The following NRXN3 variants were observed in gnomAD, a reference collection of about 807,000 sequenced individuals.
NRXN3 encodes the protein neurexin 3.
In NRXN3, 32 loss-of-function variants were observed where a neutral mutation model predicts 137.6. That is an observed-to-expected ratio of 0.23 (90% CI 0.18 to 0.31). The LOEUF (loss-of-function observed/expected upper bound fraction) is 0.31. Among genes scored for constraint, NRXN3 ranks in the 10% least tolerant of loss-of-function variants. NRXN3 has a pLI of 1.00. For missense variants in NRXN3, 1,574 were observed against 2,062.5 expected (o/e 0.76, Z 4.59); for synonymous variants, 798 against 784.5 (o/e 1.02, Z -0.29).
intron 10 of NRXN3, among the ~76,000 whole-genome samples, chr14:78,844,928 CTCTG>C (rs1331236388): frequency 6.6e-6 from 1 of 151,664 alleles, no homozygotes; most frequent in Non-Finnish European, 1.5e-5. Flanking sequence ...ATAATATTTC[CTCTG>C]TCTGCTTTCC....
chr14:78,651,910 A>G (rs1295635622), intron 6 of NRXN3, among the ~76,000 whole-genome samples: 1 of 152,182 alleles, frequency 6.6e-6, no homozygotes, highest in Non-Finnish European at 1.5e-5. Context: ...AAACCATGTC[A>G]AGTACCCTGT....
intron 15 of NRXN3, among the ~76,000 whole-genome samples, chr14:79,243,614 C>T (rs1012218614): frequency 1.3e-5 from 2 of 152,206 alleles, no homozygotes; most frequent in African/African-American, 4.8e-5. Flanking sequence ...TGTGTACTCA[C>T]ACAAATCTAG....
At chr14:78,732,681 G>C (rs2098521982) in intron 8 of NRXN3, among the ~76,000 whole-genome samples, 1 of 152,148 alleles carries the variant, frequency 6.6e-6, no homozygotes, top group Non-Finnish European at 1.5e-5. Flanking sequence ...TTTTAATGCA[G>C]AGAATGCTTA....
intron 15 of NRXN3, among the ~76,000 whole-genome samples, chr14:79,015,073 C>G (rs2099577078): frequency 6.6e-6 from 1 of 152,076 alleles, no homozygotes; most frequent in Non-Finnish European, 1.5e-5. Context: ...CGCAATGTCC[C>G]CATCTCTTGG....
At chr14:79,609,822 G>A (rs1056872498) in intron 16 of NRXN3, among the ~76,000 whole-genome samples, 5 of 152,012 alleles carry the variant, frequency 3.3e-5, no homozygotes, top group African/African-American at 1.2e-4. Flanking sequence ...TTTTTGAACT[G>A]AATTTCTCAG....
intron 10 of NRXN3, among the ~76,000 whole-genome samples, chr14:78,820,551 T>C (rs2153125168): frequency 6.6e-6 from 1 of 152,190 alleles, no homozygotes; most frequent in Admixed American, 6.5e-5. Flanking sequence ...ACTTTATACA[T>C]TTCCTTCTCA....
At chr14:79,063,274 G>GT (rs1253594116) in intron 15 of NRXN3, among the ~76,000 whole-genome samples, 2 of 151,926 alleles carry the variant, frequency 1.3e-5, no homozygotes, top group South Asian at 2.1e-4. Flanking sequence ...GTTATTTTAT[G>GT]TTTTTTTGTT....
At position 79,002,455 on chromosome 14, in the gene NRXN3, G is replaced by A. The variant is rs145543912; in HGVS notation, c.3262+14314G>A. Among the ~76,000 whole-genome samples the A allele has an allele frequency of 1.2e-4, 18 of 152,256 alleles. No homozygotes were observed. In the East Asian group the frequency reaches 2.7e-3, roughly 23 times the overall value. On this transcript the variant is annotated intron_variant, in intron 15 of 20. Coordinates refer to ENST00000335750, the MANE Select transcript of NRXN3 (RefSeq NM_001330195.2). The stretch of plus-strand genomic sequence containing the variant: ...CTTTGTTCAGCTCCCACTTATGAGT[G>A]AGAATATGCAGTGTTTGGTTTACTG...
At chr14:79,382,091 C>T (rs757437085) in intron 15 of NRXN3, among the ~76,000 whole-genome samples, 7 of 152,118 alleles carry the variant, frequency 4.6e-5, no homozygotes, top group Non-Finnish European at 1.0e-4. Context: ...TTCTCCTCTG[C>T]AAAATGGAAC....
chr14:78,459,797 G>C (rs1020332319), intron 4 of NRXN3, among the ~76,000 whole-genome samples: 1 of 152,188 alleles, frequency 6.6e-6, no homozygotes, highest in Non-Finnish European at 1.5e-5. Context: ...AAATGTGTGA[G>C]GATTTCTTCC....
At position 79,868,088 on chromosome 14, in the gene NRXN3, T is replaced by G. The variant is rs1341098731; in HGVS notation, c.*6124T>G. 1.3e-5 allele frequency: 2 copies of G among 152,162 alleles called. No individual in the cohort carries two copies. Among genetic ancestry groups the G allele is most frequent in the African/African-American group, 4.8e-5 (2 of 41,420 alleles). The allele number at this position is 152,162 out of a possible 1,614,324, so 9.4% of individuals were successfully genotyped here. On this transcript the variant is annotated 3_prime_UTR_variant, in exon 21 of 21. Transcript: ENST00000335750. ...ACCTATAATTTTGTTATACTTATCT[T>G]GCAGGTTTCTTGAGAAATATTGGAT...
intron 19 of NRXN3, among the ~76,000 whole-genome samples, chr14:79,741,455 G>A (rs2154080205): frequency 6.7e-6 from 1 of 150,118 alleles, no homozygotes; most frequent in Middle Eastern, 3.4e-3. Context: ...TGAAATATGT[G>A]TGTGTGTGTG....
chr14:79,512,253 G>C (rs769683207), intron 16 of NRXN3, among the ~76,000 whole-genome samples: 1 of 152,180 alleles, frequency 6.6e-6, no homozygotes. Context: ...ACAATAGTTA[G>C]TAAGAGTGTG....
rs758232127 is a variant in NRXN3, at chr14:79,719,327, GTA to G, written c.4014+21398_4014+21399del. ...TGTATGTGTATGTATACACGCGTGT[GTA>G]TATATATGTATATATACACATATAT... is the stretch of plus-strand genomic sequence containing the variant. On this transcript the variant is annotated intron_variant, in intron 19 of 20. Transcript: ENST00000335750. Among the ~76,000 whole-genome samples, 253 of 127,618 alleles carry G rather than the reference GTA, an allele frequency of 2.0e-3. 3 individuals are homozygous for G. The highest frequency in any genetic ancestry group is 2.3e-3 in the African/African-American group (86 of 37,472). The allele number at this position is 127,618 out of a possible 152,430, so 83.7% of individuals were successfully genotyped here.
chr14:79,699,935 C>T (rs1034952203), intron 19 of NRXN3, among the ~76,000 whole-genome samples: 7 of 151,954 alleles, frequency 4.6e-5, no homozygotes, highest in East Asian at 1.9e-4. Flanking sequence ...GATTAGACTG[C>T]GATGAGGGAT....
In NRXN3 at chr14:78,177,486, A is replaced by G. The variant is rs151237827; in HGVS notation, c.-704+6812A>G. 2.3e-3 allele frequency among the ~76,000 whole-genome samples: 349 copies of G among 152,270 alleles called. 4 individuals carry two copies. Among genetic ancestry groups the G allele is most frequent in the Admixed American group, 5.6e-3 (86 of 15,294 alleles). On this transcript the variant is annotated intron_variant, in intron 1 of 20. Coordinates refer to ENST00000335750, the MANE Select transcript of NRXN3 (RefSeq NM_001330195.2). ...AAGCAGAGCATGAATGCATTTCTGCATGACCTTGAGATGGTGTAGCCAGAC... is the reference window on the plus strand; with the variant it reads ...AAGCAGAGCATGAATGCATTTCTGCGTGACCTTGAGATGGTGTAGCCAGAC...
chr14:78,965,577 C>CTATA (rs757456409), intron 11 of NRXN3, among the ~76,000 whole-genome samples: 36 of 152,216 alleles, frequency 2.4e-4, no homozygotes, highest in Middle Eastern at 3.4e-3. Context: ...ACTGATAAGT[C>CTATA]TATAATAGAA....
At chr14:79,256,071 G>T (rs2076527785) in intron 15 of NRXN3, among the ~76,000 whole-genome samples, 1 of 151,854 alleles carries the variant, frequency 6.6e-6, no homozygotes, top group African/African-American at 2.4e-5. Context: ...CATATTAAAT[G>T]CATTTCTTTA....
chr14:78,509,066 G>A (rs1453834918), intron 4 of NRXN3, among the ~76,000 whole-genome samples: 2 of 152,098 alleles, frequency 1.3e-5, no homozygotes, highest in African/African-American at 4.8e-5. Context: ...TTGGGAGGCC[G>A]AGGAGGGCAG....
Sources: allele counts gnomAD v4.1 joint callset (sites outside exome capture counted in the v4.1 genomes callset), GRCh38; gene constraint gnomAD v4.1.1; transcripts MANE v1.5; gene names NCBI Gene and HGNC (gene_info 2026-07-23, HGNC 2026-07-21).